Variants in SMAD9 observed in about 807,000 individuals in gnomAD.
The protein encoded by SMAD9 is SMAD family member 9, also known as MAD homolog 9.
A neutral mutation model predicts 46.1 loss-of-function variants in SMAD9; 36 were observed. That is an observed-to-expected ratio of 0.78 (90% CI 0.60 to 1.03). The LOEUF (loss-of-function observed/expected upper bound fraction) is 1.03. SMAD9 is among the 50% of genes least tolerant of loss of function. The probability of loss-of-function intolerance (pLI) is 0.00; values close to 1 mark genes in which losing one functional copy is unlikely to be tolerated. For missense variants in SMAD9, 572 were observed against 599.8 expected (o/e 0.95, Z 0.48); for synonymous variants, 245 against 237.1 (o/e 1.03, Z -0.31).
intron 1 of SMAD9, among the ~76,000 whole-genome samples, chr13:36,894,820 A>G (rs963420646): frequency 6.6e-6 from 1 of 152,174 alleles, no homozygotes; most frequent in Non-Finnish European, 1.5e-5. Flanking sequence ...CCCAAGTGAC[A>G]TCTCATTGAG....
chr13:36,919,804 C>G (rs1443799650), intron 1 of SMAD9, among the ~76,000 whole-genome samples: 1 of 151,006 alleles, frequency 6.6e-6, no homozygotes, highest in Non-Finnish European at 1.5e-5. Flanking sequence ...CCAGAGCAGT[C>G]CCCTCCGGCC....
chr13:36,884,514 C>A (rs577174849), intron 1 of SMAD9, among the ~76,000 whole-genome samples: 4 of 152,180 alleles, frequency 2.6e-5, no homozygotes, highest in Non-Finnish European at 2.9e-5. Flanking sequence ...AAAACAACTT[C>A]TCATTTTCGA....
At chr13:36,919,569 G>A (rs2058725201) in intron 1 of SMAD9, among the ~76,000 whole-genome samples, 1 of 151,936 alleles carries the variant, frequency 6.6e-6, no homozygotes, top group Non-Finnish European at 1.5e-5. Flanking sequence ...CCCCCAAAGA[G>A]TCACAATGAC....
At chr13:36,887,101 C>T (rs545908457) in intron 1 of SMAD9, among the ~76,000 whole-genome samples, 8 of 128,578 alleles carry the variant, frequency 6.2e-5, no homozygotes, top group Non-Finnish European at 1.2e-4. Context: ...AACTCCTGGA[C>T]TCAAGTGATC....
At chr13:36,852,459 C>G in intron 6 of SMAD9, 1 of 985,144 alleles carries the variant, frequency 1.0e-6, no homozygotes, top group Non-Finnish European at 1.2e-6. Context: ...CATATACAAA[C>G]CCAGTTGTCT....
chr13:36,897,315 C>T (rs2058536986), intron 1 of SMAD9, among the ~76,000 whole-genome samples: 1 of 152,172 alleles, frequency 6.6e-6, no homozygotes, highest in Non-Finnish European at 1.5e-5. Flanking sequence ...ATATTAAAGT[C>T]CTTACAAAAA....
intron 2 of SMAD9, among the ~76,000 whole-genome samples, chr13:36,874,964 T>C (rs566205396): frequency 6.6e-6 from 1 of 151,172 alleles, no homozygotes; most frequent in Admixed American, 6.6e-5. Context: ...TGACATTATC[T>C]AAAAGGTGAT....
chr13:36,878,796 C>T (rs1340872298), intron 2 of SMAD9, among the ~76,000 whole-genome samples: 1 of 151,758 alleles, frequency 6.6e-6, no homozygotes, highest in Admixed American at 6.6e-5. Context: ...CATTTTAAAA[C>T]CTTTCAGGAC....
chr13:36,886,729 G>A (rs2058448090), intron 1 of SMAD9, among the ~76,000 whole-genome samples: 1 of 152,254 alleles, frequency 6.6e-6, no homozygotes, highest in South Asian at 2.1e-4. Context: ...TGTGGGGCCA[G>A]GGACCTGCTT....
Position 36,874,854 on chromosome 13 carries a change from CAAAA to C in SMAD9, c.413-1943_413-1940del, listed in dbSNP as rs529721275. ...GCCTGGGCAGAGCAAGACTCCGTCC[CAAAA>C]AAAAAAAAAAAAAAAAAAAAATACA... On this transcript the variant is annotated intron_variant, in intron 2 of 6. Transcript: ENST00000379826. Among the ~76,000 whole-genome samples, 204 of 66,072 alleles carry C rather than the reference CAAAA, an allele frequency of 3.1e-3. 1 individual carries two copies. The highest frequency in any genetic ancestry group is 6.4e-3 in the African/African-American group (105 of 16,386). 43.3% of individuals were successfully genotyped at this position (66,072 alleles called of 152,430 possible).
At chr13:36,854,190 A>G (rs1339030100) in intron 5 of SMAD9, among the ~76,000 whole-genome samples, 1 of 152,100 alleles carries the variant, frequency 6.6e-6, no homozygotes, top group Non-Finnish European at 1.5e-5. Context: ...TAAAAAAATA[A>G]AAGTGGATTG....
chr13:36,900,684 TACACACACAC>T (rs58756918), intron 1 of SMAD9, among the ~76,000 whole-genome samples: 2,030 of 142,854 alleles, frequency 0.014, 32 homozygotes, highest in Admixed American at 0.051. Flanking sequence ...TCATTATGAC[TACACACACAC>T]ACACACACAC....
At chr13:36,888,678 G>A (rs1298039431) in intron 1 of SMAD9, among the ~76,000 whole-genome samples, 4 of 152,082 alleles carry the variant, frequency 2.6e-5, no homozygotes, top group East Asian at 1.9e-4. Context: ...GGAAGTAGGC[G>A]GTGCTCTCAA....
At chr13:36,850,867 G>A (rs1369923761) in intron 6 of SMAD9, among the ~76,000 whole-genome samples, 3 of 152,110 alleles carry the variant, frequency 2.0e-5, no homozygotes, top group East Asian at 1.9e-4. Context: ...TTACACCTGC[G>A]TCTTCTCCAT....
In SMAD9 at chr13:36,870,406, G is replaced by A. The variant is rs76715997; in HGVS notation, c.670+2252C>T. Among the ~76,000 whole-genome samples, 18 of 152,256 alleles carry A rather than the reference G, an allele frequency of 1.2e-4. No individual in the cohort carries two copies. The East Asian group carries it at 3.5e-3, about 29-fold the overall frequency. ...CTTCAACCATCTGCTCCTACACTGA[G>A]TTAATGACTCTCAAGCTACCCTCCA... is the stretch of plus-strand genomic sequence containing the variant. On this transcript the variant is annotated intron_variant, in intron 3 of 6. Transcript: ENST00000379826.
intron 1 of SMAD9, among the ~76,000 whole-genome samples, chr13:36,895,737 G>A (rs1471242624): frequency 6.6e-6 from 1 of 152,160 alleles, no homozygotes; most frequent in Admixed American, 6.5e-5. Flanking sequence ...TGAATCCTAG[G>A]CATAGGAAAT....
intron 1 of SMAD9, among the ~76,000 whole-genome samples, chr13:36,888,558 G>A (rs2058466178): frequency 6.6e-6 from 1 of 152,178 alleles, no homozygotes; most frequent in Non-Finnish European, 1.5e-5. Flanking sequence ...GGTGACCAGA[G>A]CTGGATAAAG....
chr13:36,865,418 C>T (rs2058222611), intron 5 of SMAD9, 119 bp downstream of exon 5: 1 of 791,070 alleles, frequency 1.3e-6, no homozygotes, highest in Admixed American at 1.9e-5. Flanking sequence ...GCTCACCAGC[C>T]CTGGGGTCCT....
intron 6 of SMAD9, among the ~76,000 whole-genome samples, chr13:36,849,202 G>A (rs2058055633): frequency 6.6e-6 from 1 of 152,118 alleles, no homozygotes; most frequent in Non-Finnish European, 1.5e-5. Flanking sequence ...ACCAGTGACT[G>A]GACCTGAAAG....
Sources: allele counts gnomAD v4.1 joint callset (sites outside exome capture counted in the v4.1 genomes callset), GRCh38; gene constraint gnomAD v4.1.1; transcripts MANE v1.5; gene names NCBI Gene and HGNC (gene_info 2026-07-23, HGNC 2026-07-21).